PHTF2: variants seen among roughly 807,000 people sequenced by gnomAD.
PHTF2 encodes the protein protein PHTF2.
In PHTF2, 60 loss-of-function variants were observed where a neutral mutation model predicts 101.2. The ratio of observed to expected loss-of-function variants is 0.59; its 90% confidence interval spans 0.48 to 0.73. The LOEUF is 0.73. Ranked by LOEUF, PHTF2 falls within the 30% of genes least tolerant of loss-of-function variation. The probability of loss-of-function intolerance (pLI) is 0.00; values close to 1 mark genes in which losing one functional copy is unlikely to be tolerated. For synonymous variants in PHTF2, 311 were observed against 307.3 expected (o/e 1.01, Z -0.13); for missense variants, 747 against 908.7 (o/e 0.82, Z 2.29).
At chr7:77,923,523 T>C (rs950888402) in intron 11 of PHTF2, 1 of 984,184 alleles carries the variant, frequency 1.0e-6, no homozygotes, top group Admixed American at 6.1e-5. Context: ...GAAGAGTTAC[T>C]ATTCTTTGCA....
intron 3 of PHTF2, among the ~76,000 whole-genome samples, chr7:77,873,813 T>TCACTTTAA (rs1389343196): frequency 6.6e-6 from 1 of 152,230 alleles, no homozygotes; most frequent in Non-Finnish European, 1.5e-5. Flanking sequence ...ATCAATGCCC[T>TCACTTTAA]CACTTTAACA....
At chr7:77,810,003 G>T (rs969965141) in intron 1 of PHTF2, among the ~76,000 whole-genome samples, 3 of 152,136 alleles carry the variant, frequency 2.0e-5, no homozygotes, top group African/African-American at 7.2e-5. Flanking sequence ...GGAAATTAAC[G>T]TGATAAAGGA....
At chr7:77,955,672 T>A (rs890440665) in exon 20 of PHTF2, 1 of 152,594 alleles carries the variant, frequency 6.6e-6, no homozygotes, top group Non-Finnish European at 1.5e-5. Context: ...TATGGTATCC[T>A]TTTGAGTGAG....
intron 13 of PHTF2, among the ~76,000 whole-genome samples, chr7:77,938,575 A>C (rs1562967945): frequency 6.7e-6 from 1 of 148,418 alleles, no homozygotes; most frequent in Admixed American, 6.6e-5. Context: ...CTAAAAATAC[A>C]AAAAAATTAG....
chr7:77,920,130 A>C, intron 9 of PHTF2, 149 bp from the exon 9 acceptor site: 1 of 559,026 alleles, frequency 1.8e-6, no homozygotes, highest in African/African-American at 1.9e-5. Flanking sequence ...GCTGTTAGAT[A>C]TATTTCTAAA....
chr7:77,873,498 A>G (rs1798691341), intron 3 of PHTF2, among the ~76,000 whole-genome samples: 1 of 152,100 alleles, frequency 6.6e-6, no homozygotes, highest in South Asian at 2.1e-4. Context: ...GTCTAGTTAT[A>G]GTTCTAGAAG....
intron 3 of PHTF2, among the ~76,000 whole-genome samples, chr7:77,876,097 T>A (rs1215224858): frequency 6.6e-6 from 1 of 152,206 alleles, no homozygotes; most frequent in Non-Finnish European, 1.5e-5. Context: ...CTGCACTCTT[T>A]ACTTAACAGT....
At chr7:77,919,615 G>A (rs1188872849) in intron 9 of PHTF2, among the ~76,000 whole-genome samples, 2 of 150,960 alleles carry the variant, frequency 1.3e-5, no homozygotes, top group Admixed American at 6.6e-5. Context: ...TTTATGTGTT[G>A]AAAAAAAAAT....
rs1440718537 is a variant in PHTF2, at chr7:77,951,474, A to T, written c.2116-143A>T. 7.9e-6 allele frequency: 3 copies of T among 378,288 alleles called. No individual in the cohort carries two copies. The South Asian group carries it at 2.9e-4, about 37-fold the overall frequency. 23.4% of individuals were successfully genotyped at this position (378,288 alleles called of 1,614,324 possible). ...ATTATTTTCCTATTATAAAATAAGT[A>T]TAGGAAATTTGGAATATATAGTATA... On this transcript the variant is annotated intron_variant, in intron 17 of 19. Coordinates refer to ENST00000416283, the Ensembl canonical transcript of PHTF2.
At chr7:77,869,908 C>T (rs766913252) in intron 3 of PHTF2, among the ~76,000 whole-genome samples, 2 of 152,080 alleles carry the variant, frequency 1.3e-5, no homozygotes, top group Admixed American at 6.5e-5. Flanking sequence ...ATATCTATGG[C>T]GATCTTTTAC....
chr7:77,936,125 C>T (rs1268142931), intron 12 of PHTF2, among the ~76,000 whole-genome samples: 1 of 152,006 alleles, frequency 6.6e-6, no homozygotes, highest in Non-Finnish European at 1.5e-5. Flanking sequence ...AAATTTCCCA[C>T]CTCTTTTTTT....
intron 2 of PHTF2, among the ~76,000 whole-genome samples, chr7:77,846,566 C>T (rs1796304250): frequency 3.9e-5 from 1 of 25,406 alleles, no homozygotes; most frequent in Admixed American, 3.6e-4. Context: ...CCCCTCCCCT[C>T]GCCTCCCCTC....
chr7:77,848,072 T>C (rs758691331), intron 2 of PHTF2, among the ~76,000 whole-genome samples: 4 of 152,192 alleles, frequency 2.6e-5, no homozygotes, highest in African/African-American at 4.8e-5. Context: ...ACTACTCCAT[T>C]GTGTATATGT....
chr7:77,893,591 G>A lies in PHTF2; in HGVS notation c.148-17G>A, dbSNP rs1458430480. On this transcript the variant is annotated splice_polypyrimidine_tract_variant and intron_variant, in intron 3 of 19. Transcript: ENST00000416283. ...GTACCAGCAATGACCATTTAATGTA[G>A]TGTCTTCTTTTCATAGATTGGAGCA... 1 of 1,191,392 alleles carries A rather than the reference G, an allele frequency of 8.4e-7. No individual in the cohort carries two copies. Among genetic ancestry groups the A allele is most frequent in the Admixed American group, 2.0e-5 (1 of 49,126 alleles). The allele number at this position is 1,191,392 out of a possible 1,614,324, so 73.8% of individuals were successfully genotyped here. A position where few individuals can be genotyped will look rare whatever the true frequency, so the allele number is the denominator to read the frequency against.
chr7:77,862,545 TA>T (rs1437546332), intron 3 of PHTF2, among the ~76,000 whole-genome samples: 2 of 152,226 alleles, frequency 1.3e-5, no homozygotes, highest in Non-Finnish European at 2.9e-5. Context: ...AGTAGTAGTT[TA>T]CACAGGTATG....
At chr7:77,904,198 C>G (rs1490504459) in intron 7 of PHTF2, among the ~76,000 whole-genome samples, 1 of 152,202 alleles carries the variant, frequency 6.6e-6, no homozygotes, top group Non-Finnish European at 1.5e-5. Context: ...CCACCTTAAC[C>G]AGGCTAAACT....
At chr7:77,871,718 G>A (rs1386347923) in intron 3 of PHTF2, among the ~76,000 whole-genome samples, 2 of 152,290 alleles carry the variant, frequency 1.3e-5, no homozygotes, top group East Asian at 3.9e-4. Context: ...CTTCGAAAGG[G>A]TATTCCACTG....
chr7:77,855,294 A>G (rs115365026), intron 3 of PHTF2, among the ~76,000 whole-genome samples: 2,204 of 152,066 alleles, frequency 0.014, 39 homozygotes, highest in African/African-American at 0.038. Flanking sequence ...GCACTTCAGG[A>G]CTCTGCCCAG....
intron 3 of PHTF2, among the ~76,000 whole-genome samples, chr7:77,865,095 G>T (rs1054317252): frequency 6.6e-6 from 1 of 152,060 alleles, no homozygotes; most frequent in African/African-American, 2.4e-5. Flanking sequence ...AATTGTTTCT[G>T]CATGGAGACA....
Sources: gnomAD v4.1 joint callset for allele counts (sites outside exome capture counted in the v4.1 genomes callset) on GRCh38, gnomAD v4.1.1 for gene constraint, MANE v1.5 for transcripts, NCBI Gene and HGNC (gene_info 2026-07-23, HGNC 2026-07-21) for gene names.